DLC1: variants seen among roughly 807,000 people sequenced by gnomAD.
The protein encoded by DLC1 is DLC1 Rho GTPase activating protein.
In DLC1, 54 loss-of-function variants were observed where a neutral mutation model predicts 140.3. The observed-to-expected ratio is 0.38, with a 90% CI of 0.31 to 0.48. The LOEUF (loss-of-function observed/expected upper bound fraction) is 0.48. DLC1 is among the 20% of genes least tolerant of loss of function. The probability of loss-of-function intolerance (pLI) is 0.96; values close to 1 mark genes in which losing one functional copy is unlikely to be tolerated. For synonymous variants in DLC1, 986 were observed against 728.1 expected (o/e 1.35, Z -5.70); for missense variants, 2,536 against 1,907.0 (o/e 1.33, Z -6.14).
At chr8:13,369,354 C>CAAAAAAAA (rs148214804) in intron 4 of DLC1, among the ~76,000 whole-genome samples, 2 of 128,102 alleles carry the variant, frequency 1.6e-5, no homozygotes, top group African/African-American at 2.9e-5. Context: ...TTGGCTGGGT[C>CAAAAAAAA]GAAAAAAAAA....
chr8:13,416,169 A>T (rs1433373699), intron 2 of DLC1, among the ~76,000 whole-genome samples: 2 of 152,080 alleles, frequency 1.3e-5, no homozygotes, highest in African/African-American at 4.8e-5. Flanking sequence ...TGGACTTATC[A>T]CTTTGGTCCT....
At chr8:13,458,487 C>A (rs539114793) in intron 2 of DLC1, among the ~76,000 whole-genome samples, 1 of 152,208 alleles carries the variant, frequency 6.6e-6, no homozygotes, top group East Asian at 1.9e-4. Flanking sequence ...AGAGTGAGCT[C>A]ATTAAGTAAT....
Position 13,097,961 on chromosome 8 carries a change from A to G in DLC1, c.3167+438T>C, listed in dbSNP as rs565541958. On this transcript the variant is annotated intron_variant, in intron 10 of 17. Coordinates refer to ENST00000276297, the MANE Select transcript of DLC1 (RefSeq NM_182643.3). ...CAACTTGGGAGGCCGAGGCAGGTGG[A>G]TCTCTTGAGCCCAGGAATTCCAGAC... 1.5e-4 allele frequency among the ~76,000 whole-genome samples: 22 copies of G among 147,712 alleles called. No individual in the cohort carries two copies. In the South Asian group the frequency reaches 4.9e-3, roughly 33 times the overall value.
At chr8:13,091,522 A>G (rs1818075858) in intron 13 of DLC1, 90 bp from the exon 14 acceptor site, 1 of 1,215,474 alleles carries the variant, frequency 8.2e-7, no homozygotes, top group Non-Finnish European at 1.1e-6. Context: ...AGAAGAGAGA[A>G]AAAAAAATTT....
chr8:13,180,976 C>G (rs1585854305), intron 5 of DLC1, among the ~76,000 whole-genome samples: 1 of 151,672 alleles, frequency 6.6e-6, no homozygotes, highest in Admixed American at 6.6e-5. Context: ...ATATAATGTT[C>G]CTTTTTTTTT....
Position 13,088,484 on chromosome 8 carries a change from C to T in DLC1, c.4292+3G>A, listed in dbSNP as rs1282443970. On this transcript the variant is annotated splice_donor_region_variant and intron_variant, in intron 16 of 17. Transcript: ENST00000276297. ...CACAAAAAAACAACTGGGAAGCGCT[C>T]ACCTTAAAACAACGTAGTCTCGAGC... 6.8e-6 allele frequency: 11 copies of T among 1,613,938 alleles called. No homozygotes were observed. The highest frequency in any genetic ancestry group is 6.7e-5 in the African/African-American group (5 of 74,938).
At chr8:13,261,201 A>C (rs1308442760) in intron 5 of DLC1, among the ~76,000 whole-genome samples, 1 of 152,166 alleles carries the variant, frequency 6.6e-6, no homozygotes, top group Admixed American at 6.5e-5. Flanking sequence ...ATTTTAATAG[A>C]GTGGTCCTGA....
At chr8:13,141,921 T>TC (rs1179335875) in intron 5 of DLC1, among the ~76,000 whole-genome samples, 1 of 152,160 alleles carries the variant, frequency 6.6e-6, no homozygotes, top group Non-Finnish European at 1.5e-5. Flanking sequence ...AGATTTTGTG[T>TC]CCCCACCCAA....
At chr8:13,557,123 G>C (rs1345955753) in intron 1 of DLC1, among the ~76,000 whole-genome samples, 1 of 152,140 alleles carries the variant, frequency 6.6e-6, no homozygotes, top group African/African-American at 2.4e-5. Flanking sequence ...CTATTTCTAG[G>C]GAATTTCAGT....
At chr8:13,143,043 C>CAAAAAAAAAAAAAAAAACAAAAAA (rs552138951) in intron 5 of DLC1, among the ~76,000 whole-genome samples, 1 of 121,444 alleles carries the variant, frequency 8.2e-6, no homozygotes, top group Non-Finnish European at 1.7e-5. Context: ...AACTCCGTCT[C>CAAAAAAAAAAAAAAAAACAAAAAA]AAAAAAAAAA....
chr8:13,219,696 A>C (rs530999665), intron 5 of DLC1, among the ~76,000 whole-genome samples: 62 of 152,144 alleles, frequency 4.1e-4, no homozygotes, highest in African/African-American at 1.4e-3. Flanking sequence ...AAAAAATAAA[A>C]TATGGGTCTT....
intron 2 of DLC1, among the ~76,000 whole-genome samples, chr8:13,413,256 A>ACTTT (rs1491415150): frequency 0.15 from 12,015 of 81,962 alleles, 1,047 homozygotes; most frequent in Admixed American, 0.22. Flanking sequence ...TTTTTTTGCG[A>ACTTT]TTTTTTTTTT....
intron 4 of DLC1, among the ~76,000 whole-genome samples, chr8:13,326,576 C>T (rs1159575995): frequency 2.0e-5 from 3 of 152,128 alleles, no homozygotes. Flanking sequence ...TTGTCTCCAC[C>T]AAGTTTGCCA....
At chr8:13,519,242 C>T (rs996606210), upstream of DLC1, among the ~76,000 whole-genome samples, 1 of 151,700 alleles carries the variant, frequency 6.6e-6, no homozygotes, top group East Asian at 2.0e-4. Flanking sequence ...ATTCTCCTGC[C>T]TCAGCCTCCC....
intron 5 of DLC1, among the ~76,000 whole-genome samples, chr8:13,157,968 A>C (rs1824382036): frequency 6.6e-6 from 1 of 152,252 alleles, no homozygotes; most frequent in Non-Finnish European, 1.5e-5. Context: ...TCTTTGAAGT[A>C]GAATTGTTTG....
At chr8:13,583,393 A>G (rs887552891) in intron 1 of DLC1, among the ~76,000 whole-genome samples, 2 of 152,084 alleles carry the variant, frequency 1.3e-5, no homozygotes, top group Non-Finnish European at 2.9e-5. Flanking sequence ...ATAAGAAGCA[A>G]CTCTCTGTTG....
At chr8:13,276,090 C>A (rs772834721) in intron 5 of DLC1, among the ~76,000 whole-genome samples, 37 of 152,250 alleles carry the variant, frequency 2.4e-4, no homozygotes, top group Non-Finnish European at 5.0e-4. Flanking sequence ...AACACTCCAT[C>A]AAGGTTAAAT....
chr8:13,214,185 T>C (rs1346940720), intron 5 of DLC1: 1 of 158,180 alleles, frequency 6.3e-6, no homozygotes, highest in Non-Finnish European at 1.4e-5. Flanking sequence ...CACAACAAAT[T>C]GCAAGTTGAT....
chr8:13,159,581 T>TA (rs1356955574), intron 5 of DLC1, among the ~76,000 whole-genome samples: 2 of 152,138 alleles, frequency 1.3e-5, no homozygotes, highest in Non-Finnish European at 2.9e-5. Flanking sequence ...ACCTCAATTA[T>TA]AAACCCAGAC....
Sources: gnomAD v4.1 joint callset for allele counts (sites outside exome capture counted in the v4.1 genomes callset) on GRCh38, gnomAD v4.1.1 for gene constraint, MANE v1.5 for transcripts, NCBI Gene and HGNC (gene_info 2026-07-23, HGNC 2026-07-21) for gene names.